The following TMEM163 variants were observed in gnomAD, a reference collection of about 807,000 sequenced individuals.
TMEM163 encodes transmembrane protein 163.
In TMEM163, 17 loss-of-function variants were observed where a neutral mutation model predicts 29.3. The ratio of observed to expected loss-of-function variants is 0.58; its 90% confidence interval spans 0.40 to 0.87. The LOEUF (loss-of-function observed/expected upper bound fraction) is 0.87, where lower values mean the gene tolerates loss of function less well. Among genes scored for constraint, TMEM163 ranks in the 40% least tolerant of loss-of-function variants. The pLI is 0.00. For missense variants in TMEM163, 303 were observed against 381.5 expected (o/e 0.79, Z 1.71); for synonymous variants, 157 against 160.6 (o/e 0.98, Z 0.17).
At chr2:134,478,497 AGCAGAGAACTTAGCT>A (rs1469508724) in intron 5 of TMEM163, among the ~76,000 whole-genome samples, 1 of 152,244 alleles carries the variant, frequency 6.6e-6, no homozygotes, top group Non-Finnish European at 1.5e-5. Context: ...CGTATGCCTT[AGCAGAGAACTTAGCT>A]GCTTTGTGTT....
rs547497925 is a variant in TMEM163 at position 134,473,850 on chromosome 2, C to T, written c.556-7625G>A. ...ATAACCTGAAGAACCCTGTATCAAC[C>T]GAAGACCTTGAAACTGTAGTGAAAA... On this transcript the variant is annotated intron_variant, in intron 5 of 7. Coordinates refer to ENST00000281924, the MANE Select transcript of TMEM163 (RefSeq NM_030923.5). Among the ~76,000 whole-genome samples, 9 of 152,310 alleles carry T rather than the reference C, an allele frequency of 5.9e-5. 1 individual carries two copies. The South Asian group carries it at 8.3e-4, about 14-fold the overall frequency.
chr2:134,623,215 T>C (rs1460589807), intron 2 of TMEM163, among the ~76,000 whole-genome samples: 1 of 152,178 alleles, frequency 6.6e-6, no homozygotes, highest in African/African-American at 2.4e-5. Context: ...AGAAACATCA[T>C]TTTCTCATCA....
intron 2 of TMEM163, among the ~76,000 whole-genome samples, chr2:134,583,452 A>G (rs1372973636): frequency 6.6e-6 from 1 of 152,236 alleles, no homozygotes; most frequent in African/African-American, 2.4e-5. Context: ...AGGCTCCTAG[A>G]GTTCGAAGAA....
intron 2 of TMEM163, among the ~76,000 whole-genome samples, chr2:134,561,334 G>A (rs990251187): frequency 6.6e-6 from 1 of 152,150 alleles, no homozygotes; most frequent in Non-Finnish European, 1.5e-5. Flanking sequence ...CTCCCGAGTA[G>A]CTGGGACTAC....
At chr2:134,603,836 T>TG (rs1682290236) in intron 2 of TMEM163, among the ~76,000 whole-genome samples, 2 of 2,866 alleles carry the variant, frequency 7.0e-4, no homozygotes, top group South Asian at 0.024. Flanking sequence ...AAGGTGGGGG[T>TG]GGGGGAAGGG....
rs534506137 is a variant in TMEM163 at position 134,700,393 on chromosome 2, C to T, written c.322+12807G>A. Among the ~76,000 whole-genome samples the T allele has an allele frequency of 1.2e-4, 18 of 152,290 alleles. 2 individuals are homozygous for T. The highest frequency in any genetic ancestry group is 4.3e-4 in the African/African-American group (18 of 41,564). ...CTCCATGTTTTTTAGTAAACGTGAA[C>T]TTGAGAATCCCTGTTCCATATTCTG... On this transcript the variant is annotated intron_variant, in intron 2 of 7. Transcript: ENST00000281924.
chr2:134,666,851 G>A (rs76775074), intron 2 of TMEM163, among the ~76,000 whole-genome samples: 2,557 of 152,268 alleles, frequency 0.017, 56 homozygotes, highest in African/African-American at 0.058. Flanking sequence ...TAGAGCAGGC[G>A]TTCGATAAAT....
intron 5 of TMEM163, among the ~76,000 whole-genome samples, chr2:134,494,166 C>G (rs1418142399): frequency 6.6e-6 from 1 of 152,132 alleles, no homozygotes; most frequent in Non-Finnish European, 1.5e-5. Flanking sequence ...CAGTTCTATT[C>G]TGTTTAGAAG....
intron 1 of TMEM163, among the ~76,000 whole-genome samples, chr2:134,718,251 G>C (rs1685079871): frequency 6.6e-6 from 1 of 152,048 alleles, no homozygotes; most frequent in Admixed American, 6.5e-5. Flanking sequence ...GCGGGCAGCC[G>C]GGCGGCCGCC....
intron 5 of TMEM163, among the ~76,000 whole-genome samples, chr2:134,489,139 A>G (rs1442872564): frequency 6.6e-6 from 1 of 152,212 alleles, no homozygotes; most frequent in East Asian, 1.9e-4. Context: ...GACAATGTTC[A>G]TTCTAACAAC....
intron 2 of TMEM163, among the ~76,000 whole-genome samples, chr2:134,601,752 A>G (rs979710615): frequency 2.0e-5 from 3 of 152,228 alleles, no homozygotes; most frequent in Non-Finnish European, 2.9e-5. Flanking sequence ...CATTCTTCTG[A>G]GATGGCAAAC....
intron 2 of TMEM163, among the ~76,000 whole-genome samples, chr2:134,676,706 G>A (rs1174274782): frequency 1.3e-5 from 2 of 152,162 alleles, no homozygotes; most frequent in South Asian, 2.1e-4. Context: ...GCGATCATTA[G>A]TCTACTTTCT....
chr2:134,612,037 G>A (rs1166247972), intron 2 of TMEM163, among the ~76,000 whole-genome samples: 2 of 152,202 alleles, frequency 1.3e-5, no homozygotes, highest in Non-Finnish European at 2.9e-5. Flanking sequence ...GTCAGCATAT[G>A]GTGGCTACCT....
At chr2:134,522,116 C>A (rs555218) in intron 4 of TMEM163, among the ~76,000 whole-genome samples, 2 of 151,214 alleles carry the variant, frequency 1.3e-5, no homozygotes, top group African/African-American at 4.9e-5. Context: ...GAATTTCTAG[C>A]GGGGGTGGGC....
intron 4 of TMEM163, among the ~76,000 whole-genome samples, chr2:134,528,814 ATTG>A (rs1680350300): frequency 6.6e-6 from 1 of 152,234 alleles, no homozygotes; most frequent in African/African-American, 2.4e-5. Context: ...CAGACACAAG[ATTG>A]TATAAAGCCC....
At chr2:134,532,437 T>C (rs1281074942) in intron 4 of TMEM163, among the ~76,000 whole-genome samples, 4 of 152,220 alleles carry the variant, frequency 2.6e-5, no homozygotes, top group African/African-American at 9.6e-5. Flanking sequence ...GAATCATTTC[T>C]TTCTCCCAAG....
chr2:134,676,534 C>A (rs1353997018), intron 2 of TMEM163, among the ~76,000 whole-genome samples: 1 of 152,078 alleles, frequency 6.6e-6, no homozygotes, highest in East Asian at 1.9e-4. Flanking sequence ...CACTGATTTC[C>A]AGTGTACAAT....
intron 5 of TMEM163, among the ~76,000 whole-genome samples, chr2:134,500,680 C>T (rs527238065): frequency 8.5e-5 from 13 of 152,088 alleles, no homozygotes; most frequent in African/African-American, 1.2e-4. Context: ...CGCTACAACA[C>T]GGATGGAACT....
rs535819504 is a variant in TMEM163 at position 134,549,116 on chromosome 2, A to C, written c.458+1454T>G. ...TTCTTAATTTGTTAAAAAAAAAAAA[A>C]AACTAATGCCCATTAAAATAGACAT... On this transcript the variant is annotated intron_variant, in intron 4 of 7. Coordinates refer to ENST00000281924, the MANE Select transcript of TMEM163 (RefSeq NM_030923.5). 2.5e-3 allele frequency among the ~76,000 whole-genome samples: 375 copies of C among 152,174 alleles called. 1 individual carries two copies. The highest frequency in any genetic ancestry group is 8.6e-3 in the African/African-American group (357 of 41,528).
Sources: allele counts gnomAD v4.1 joint callset (sites outside exome capture counted in the v4.1 genomes callset), GRCh38; gene constraint gnomAD v4.1.1; transcripts MANE v1.5; gene names NCBI Gene and HGNC (gene_info 2026-07-23, HGNC 2026-07-21).